Variants in WASHC4 observed in about 807,000 individuals in gnomAD.
The protein encoded by WASHC4 is WASH complex subunit 4.
In WASHC4, 86 loss-of-function variants were observed where a neutral mutation model predicts 166.6. The ratio of observed to expected loss-of-function variants is 0.52; its 90% CI spans 0.43 to 0.62. WASHC4 has a LOEUF of 0.62. Among genes scored for constraint, WASHC4 ranks in the 20% least tolerant of loss-of-function variants. The pLI is 0.00. For missense variants in WASHC4, 1,262 were observed against 1,382.4 expected (o/e 0.91, Z 1.38); for synonymous variants, 446 against 451.6 (o/e 0.99, Z 0.16).
chr12:105,131,707 C>T (rs1881839643), intron 13 of WASHC4, among the ~76,000 whole-genome samples: 1 of 151,210 alleles, frequency 6.6e-6, no homozygotes, highest in South Asian at 2.1e-4. Flanking sequence ...TAGGACTGTG[C>T]TGTCTGTTTT....
At chr12:105,139,425 G>GTGTGTGTGTGTGTGTGTGTGTGTATA in intron 15 of WASHC4, among the ~76,000 whole-genome samples, 33 of 103,218 alleles carry the variant, frequency 3.2e-4, no homozygotes, top group East Asian at 1.4e-3. Flanking sequence ...ATGTGTGTGT[G>GTGTGTGTGTGTGTGTGTGTGTGTATA]TATATATATA....
At chr12:105,140,471 G>T in intron 16 of WASHC4, 70 bp downstream of exon 16, 2 of 1,131,544 alleles carry the variant, frequency 1.8e-6, no homozygotes, top group East Asian at 4.7e-5. Flanking sequence ...TGTTTTATAT[G>T]TGTTTTCTGG....
chr12:105,111,217 T>G lies in WASHC4; in HGVS notation c.154T>G (p.Ser52Ala), dbSNP rs376604258. 22 of 1,610,758 alleles carry G rather than the reference T, an allele frequency of 1.4e-5. No homozygotes were observed. The African/African-American group carries it at 2.9e-4, about 22-fold the overall frequency. ...LRRIEDALDDSIGDVWDFNLD... is the reference protein window; with the variant it reads ...LRRIEDALDDAIGDVWDFNLD... ...AAGAATTGAGGACGCTCTGGATGACTCAATTGGAGATGTTTGGGATTTCAA... is the reference window on the plus strand; with the variant it reads ...AAGAATTGAGGACGCTCTGGATGACGCAATTGGAGATGTTTGGGATTTCAA... Residue 52 changes from serine (S) to alanine (A), a missense_variant, in exon 2 of 33, where the codon TCA becomes GCA. By Grantham distance (99) the Ser-to-Ala change is moderately conservative. Transcript: ENST00000332180.
chr12:105,141,103 C>G (rs568261442), intron 17 of WASHC4, 58 bp downstream of exon 17: 20 of 1,609,422 alleles, frequency 1.2e-5, no homozygotes, highest in Middle Eastern at 3.3e-4. Flanking sequence ...TCACAGTTCC[C>G]TTGTTACTGA....
At chr12:105,144,137 T>TAG in intron 20 of WASHC4, 150 bp from the exon 21 acceptor site, 1 of 630,682 alleles carries the variant, frequency 1.6e-6, no homozygotes, top group South Asian at 2.0e-5. Context: ...GTATTAACCT[T>TAG]AAGGTATTGG....
At chr12:105,152,742 TACTG>T (rs1883863607) in intron 26 of WASHC4, among the ~76,000 whole-genome samples, 1 of 152,206 alleles carries the variant, frequency 6.6e-6, no homozygotes, top group Non-Finnish European at 1.5e-5. Context: ...GGTAAGTACT[TACTG>T]AATACCTGCT....
intron 9 of WASHC4, 61 bp from the exon 10 acceptor site, chr12:105,122,057 T>C (rs1185542070): frequency 1.6e-5 from 21 of 1,294,754 alleles, no homozygotes; most frequent in Admixed American, 8.6e-5. Context: ...GGAAAATTTT[T>C]AATTTTTAAT....
At chr12:105,139,862 A>G (rs7313309) in intron 15 of WASHC4, among the ~76,000 whole-genome samples, 19,760 of 150,970 alleles carry the variant, frequency 0.13, 1,490 homozygotes, top group African/African-American at 0.22. Flanking sequence ...GTATAGTTGA[A>G]TTTATCAGTT....
At chr12:105,161,358 G>T (rs1044004836) in intron 29 of WASHC4, among the ~76,000 whole-genome samples, 1 of 151,994 alleles carries the variant, frequency 6.6e-6, no homozygotes, top group Admixed American at 6.6e-5. Flanking sequence ...TATTCATCTT[G>T]TAAGAATCTT....
intron 7 of WASHC4, among the ~76,000 whole-genome samples, chr12:105,119,031 G>A (rs1180023227): frequency 6.6e-6 from 1 of 152,144 alleles, no homozygotes; most frequent in Non-Finnish European, 1.5e-5. Flanking sequence ...ATTTAATATG[G>A]AGAATTGGTT....
At chr12:105,139,358 G>C (rs1032363343) in intron 15 of WASHC4, among the ~76,000 whole-genome samples, 5 of 146,260 alleles carry the variant, frequency 3.4e-5, no homozygotes, top group African/African-American at 1.3e-4. Flanking sequence ...TATGTGTTAC[G>C]TATATGTTCA....
chr12:105,155,713 C>T (rs1052782745), intron 26 of WASHC4, among the ~76,000 whole-genome samples: 110 of 276 alleles, frequency 0.4, 4 homozygotes, highest in Non-Finnish European at 0.27. Context: ...TGGTGGCGGA[C>T]GCCATGTGAT....
At chr12:105,136,472 C>A (rs1303286694) in intron 14 of WASHC4, among the ~76,000 whole-genome samples, 1 of 152,050 alleles carries the variant, frequency 6.6e-6, no homozygotes, top group Non-Finnish European at 1.5e-5. Context: ...ATTATTTATT[C>A]TATCATTAAC....
At chr12:105,157,906 T>TA (rs1884276627) in intron 28 of WASHC4, among the ~76,000 whole-genome samples, 1 of 123,852 alleles carries the variant, frequency 8.1e-6, no homozygotes, top group Admixed American at 8.1e-5. Context: ...ATTTGTCCCA[T>TA]AACACGAGAG....
At chr12:105,132,625 C>T (rs574606407) in intron 13 of WASHC4, among the ~76,000 whole-genome samples, 88 of 152,172 alleles carry the variant, frequency 5.8e-4, no homozygotes, top group African/African-American at 2.0e-3. Flanking sequence ...TTTTGTATTG[C>T]CCTAGTCTTT....
chr12:105,118,373 A>C, intron 6 of WASHC4, 73 bp from the exon 7 acceptor site: 1 of 1,053,298 alleles, frequency 9.5e-7, no homozygotes, highest in Non-Finnish European at 1.5e-6. Context: ...TAGAGTTGTT[A>C]CCATAAAATT....
intron 32 of WASHC4, among the ~76,000 whole-genome samples, chr12:105,166,034 G>GAAGTTT (rs1302962869): frequency 6.6e-6 from 1 of 152,170 alleles, no homozygotes; most frequent in Admixed American, 6.5e-5. Context: ...AGGTGACTGG[G>GAAGTTT]AAAACTCTGC....
At chr12:105,134,520 T>C (rs1387126710) in intron 14 of WASHC4, among the ~76,000 whole-genome samples, 2 of 152,124 alleles carry the variant, frequency 1.3e-5, no homozygotes, top group African/African-American at 4.8e-5. Flanking sequence ...TTAGGCTAAG[T>C]ATATAATGTT....
In WASHC4 at chr12:105,116,093, C is replaced by T. The variant is rs142528102; in HGVS notation, c.435+365C>T. On this transcript the variant is annotated intron_variant, in intron 6 of 32. Transcript: ENST00000332180. ...TGAGCAATGATGAAGTTGTTTAAAG[C>T]GGTAGCCCTCCATGCTTCTAACAGC... 3.6e-3 allele frequency among the ~76,000 whole-genome samples: 550 copies of T among 152,180 alleles called. 3 individuals carry two copies. The highest frequency in any genetic ancestry group is 5.3e-3 in the Non-Finnish European group (361 of 67,948).
Sources: gnomAD v4.1 joint callset for allele counts (sites outside exome capture counted in the v4.1 genomes callset) on GRCh38, gnomAD v4.1.1 for gene constraint, MANE v1.5 for transcripts, NCBI Gene and HGNC (gene_info 2026-07-23, HGNC 2026-07-21) for gene names.